LDB2: variants seen among roughly 807,000 people sequenced by gnomAD.
LDB2 encodes LIM domain binding 2.
A neutral mutation model predicts 44.3 loss-of-function variants in LDB2; 12 were observed. The ratio of observed to expected loss-of-function variants is 0.27; its 90% CI spans 0.17 to 0.44. LDB2 has a LOEUF of 0.44. Among genes scored for constraint, LDB2 ranks in the 20% least tolerant of loss-of-function variants. The probability of loss-of-function intolerance (pLI) is 1.00; values close to 1 mark genes in which losing one functional copy is unlikely to be tolerated. For missense variants in LDB2, 344 were observed against 473.5 expected, an observed-to-expected ratio of 0.73 and a Z score of 2.54; for synonymous variants, 164 against 174.8, an observed-to-expected ratio of 0.94 and a Z score of 0.49.
chr4:16,839,070 G>A (rs534100861), intron 1 of LDB2, among the ~76,000 whole-genome samples: 8 of 152,206 alleles, frequency 5.3e-5, no homozygotes, highest in Admixed American at 1.3e-4. Context: ...AAAGGAGAGG[G>A]GAATGAAACT....
intron 2 of LDB2, among the ~76,000 whole-genome samples, chr4:16,707,182 T>A (rs1417062215): frequency 1.3e-5 from 2 of 152,190 alleles, no homozygotes; most frequent in Non-Finnish European, 2.9e-5. Context: ...CATGTGATTA[T>A]CTCAGAACCC....
In LDB2 at chr4:16,812,544, G is replaced by C. The variant is rs1342970143; in HGVS notation, c.133-53284C>G. Among the ~76,000 whole-genome samples, 3 of 139,250 alleles carry C rather than the reference G, an allele frequency of 2.2e-5. No homozygotes were observed. The East Asian group carries it at 6.3e-4, about 29-fold the overall frequency. The allele number at this position is 139,250 out of a possible 152,430, so 91.4% of individuals were successfully genotyped here. On this transcript the variant is annotated intron_variant, in intron 1 of 7. Transcript: ENST00000304523. ...GCTCTGACCCTCAGGGAAAACAAAA[G>C]CAAAAGTGATAAATACTTGAGGCTG...
intron 2 of LDB2, among the ~76,000 whole-genome samples, chr4:16,753,414 A>G (rs1464267014): frequency 6.6e-6 from 1 of 152,232 alleles, no homozygotes; most frequent in Non-Finnish European, 1.5e-5. Flanking sequence ...ATTACAAGAC[A>G]AAATTGAAGA....
At chr4:16,598,553 T>C (rs1019212232) in intron 2 of LDB2, among the ~76,000 whole-genome samples, 8 of 152,072 alleles carry the variant, frequency 5.3e-5, no homozygotes, top group African/African-American at 1.9e-4. Context: ...CATAAGTAAA[T>C]AAAAGAAATA....
intron 2 of LDB2, among the ~76,000 whole-genome samples, chr4:16,643,755 T>C (rs77964035): frequency 0.02 from 2,999 of 150,436 alleles, 27 homozygotes; most frequent in East Asian, 0.047. Flanking sequence ...ATTAACGTTG[T>C]TTAAATAAAA....
intron 1 of LDB2, among the ~76,000 whole-genome samples, chr4:16,798,975 T>C (rs961319590): frequency 6.3e-4 from 96 of 152,242 alleles, no homozygotes; most frequent in African/African-American, 2.3e-3. Context: ...CTCAGCCTCC[T>C]GAGTAGCTGG....
intron 2 of LDB2, among the ~76,000 whole-genome samples, chr4:16,737,694 C>T (rs1341353613): frequency 6.6e-6 from 1 of 152,096 alleles, no homozygotes; most frequent in African/African-American, 2.4e-5. Context: ...TTGCACAGTG[C>T]ATACAGAATG....
At chr4:16,616,865 TA>T (rs1050734138) in intron 2 of LDB2, among the ~76,000 whole-genome samples, 3 of 152,344 alleles carry the variant, frequency 2.0e-5, no homozygotes, top group Non-Finnish European at 4.4e-5. Context: ...TCCTGTCTGT[TA>T]TTATTTTCTC....
intron 5 of LDB2, among the ~76,000 whole-genome samples, chr4:16,522,602 C>G (rs1726636606): frequency 6.6e-6 from 1 of 152,042 alleles, no homozygotes; most frequent in African/African-American, 2.4e-5. Flanking sequence ...TACAACCAAT[C>G]CCCTATGGAT....
chr4:16,577,283 T>C (rs1712055819), intron 5 of LDB2, among the ~76,000 whole-genome samples: 1 of 152,084 alleles, frequency 6.6e-6, no homozygotes, highest in Non-Finnish European at 1.5e-5. Context: ...AAGAAAAAAG[T>C]CAAATTATCC....
intron 1 of LDB2, among the ~76,000 whole-genome samples, chr4:16,896,349 G>A (rs1724998398): frequency 6.6e-6 from 1 of 152,006 alleles, no homozygotes; most frequent in African/African-American, 2.4e-5. Context: ...TGCGAAAGGA[G>A]GTCTTTTCAA....
At chr4:16,894,906 T>C (rs1724462646) in intron 1 of LDB2, among the ~76,000 whole-genome samples, 1 of 152,046 alleles carries the variant, frequency 6.6e-6, no homozygotes, top group Non-Finnish European at 1.5e-5. Context: ...CCCAATTATT[T>C]TATTATTGGA....
intron 5 of LDB2, among the ~76,000 whole-genome samples, chr4:16,516,194 T>C (rs999173356): frequency 1.3e-5 from 2 of 152,180 alleles, no homozygotes; most frequent in African/African-American, 4.8e-5. Flanking sequence ...TCACTAGATA[T>C]GCATCCTTGG....
At chr4:16,785,978 G>T (rs1459121214) in intron 1 of LDB2, among the ~76,000 whole-genome samples, 2 of 152,160 alleles carry the variant, frequency 1.3e-5, no homozygotes, top group Non-Finnish European at 2.9e-5. Flanking sequence ...ACGATGAGAT[G>T]AGACTCTGCC....
chr4:16,760,318 A>T (rs888317852), intron 1 of LDB2, among the ~76,000 whole-genome samples: 3 of 152,162 alleles, frequency 2.0e-5, no homozygotes, highest in African/African-American at 7.2e-5. Context: ...TCTGCTTATG[A>T]CAACATTAAG....
chr4:16,672,570 T>C (rs1044600379), intron 2 of LDB2, among the ~76,000 whole-genome samples: 6 of 152,146 alleles, frequency 3.9e-5, no homozygotes, highest in Non-Finnish European at 5.9e-5. Flanking sequence ...ACTTTCTTGC[T>C]CCTTATTAAA....
At chr4:16,862,633 C>CAAAAAAAAAA in intron 1 of LDB2, among the ~76,000 whole-genome samples, 1 of 45,084 alleles carries the variant, frequency 2.2e-5, no homozygotes, top group Non-Finnish European at 3.7e-5. Flanking sequence ...AATTCCATCT[C>CAAAAAAAAAA]AAAAAAAAAA....
At chr4:16,797,674 C>T (rs1457412692) in intron 1 of LDB2, among the ~76,000 whole-genome samples, 1 of 151,968 alleles carries the variant, frequency 6.6e-6, no homozygotes, top group Non-Finnish European at 1.5e-5. Context: ...AGGCTCTGAG[C>T]TTCGTGGTTA....
At chr4:16,734,356 G>T (rs1761403467) in intron 2 of LDB2, among the ~76,000 whole-genome samples, 1 of 152,170 alleles carries the variant, frequency 6.6e-6, no homozygotes, top group Non-Finnish European at 1.5e-5. Flanking sequence ...ATGAATGAAT[G>T]AATGGAAATG....
Sources: allele counts gnomAD v4.1 joint callset (sites outside exome capture counted in the v4.1 genomes callset), GRCh38; gene constraint gnomAD v4.1.1; transcripts MANE v1.5; gene names NCBI Gene and HGNC (gene_info 2026-07-23, HGNC 2026-07-21).